The following KYNU variants were observed in gnomAD, a reference collection of about 807,000 sequenced individuals.
KYNU encodes the protein L-kynurenine hydrolase.
A neutral mutation model predicts 59.2 loss-of-function variants in KYNU; 54 were observed. The ratio of observed to expected loss-of-function variants is 0.91; its 90% CI spans 0.73 to 1.14. The LOEUF is 1.14. KYNU is among the 50% of genes most tolerant of loss of function. The pLI is 0.00. For missense variants in KYNU, 567 were observed against 554.4 expected (o/e 1.02, Z -0.23); for synonymous variants, 177 against 192.0 (o/e 0.92, Z 0.65).
intron 10 of KYNU, among the ~76,000 whole-genome samples, chr2:143,000,983 G>A (rs1336514862): frequency 1.3e-5 from 2 of 152,178 alleles, no homozygotes; most frequent in Admixed American, 6.5e-5. Flanking sequence ...ATCCTTCAGT[G>A]TTTCAATCCA....
At chr2:142,996,851 C>A (rs1434647582) in intron 10 of KYNU, among the ~76,000 whole-genome samples, 2 of 152,152 alleles carry the variant, frequency 1.3e-5, no homozygotes, top group Non-Finnish European at 2.9e-5. Context: ...TAAATAGACC[C>A]CAGTGATCTC....
At chr2:142,977,916 G>A (rs1389956614) in intron 8 of KYNU, among the ~76,000 whole-genome samples, 1 of 152,168 alleles carries the variant, frequency 6.6e-6, no homozygotes, top group East Asian at 1.9e-4. Flanking sequence ...TCTGAAAAGA[G>A]GCATTTACAG....
At chr2:142,879,958 G>A (rs1405326001) in intron 1 of KYNU, among the ~76,000 whole-genome samples, 2 of 152,170 alleles carry the variant, frequency 1.3e-5, no homozygotes, top group East Asian at 1.9e-4. Context: ...CCCAAAGAAA[G>A]TCTCAAATAT....
chr2:142,981,349 A>T (rs1178785224), intron 8 of KYNU, among the ~76,000 whole-genome samples: 3 of 152,182 alleles, frequency 2.0e-5, no homozygotes, highest in Non-Finnish European at 4.4e-5. Context: ...GCTTCATAAA[A>T]GTTGCTTTAA....
Position 143,043,751 on chromosome 2 carries a change from ATATATATTTATATTTATATATT to A in KYNU, c.*1595_*1616del, listed in dbSNP as rs1218718104. The A allele has an allele frequency of 4.2e-5, 6 of 142,758 alleles. No individual in the cohort carries two copies. The highest frequency in any genetic ancestry group is 7.1e-5 in the Admixed American group (1 of 14,106). 8.8% of individuals were successfully genotyped at this position (142,758 alleles called of 1,614,324 possible). On this transcript the variant is annotated 3_prime_UTR_variant, in exon 14 of 14. Transcript: ENST00000264170. ...AAATATATATAAATATATATACTTTATATATATTTATATTTATATATTTATATATTTATATTTTAATATATTT... is the reference window on the plus strand; with the variant it reads ...AAATATATATAAATATATATACTTTATATATATTTATATTTTAATATATTT...
At chr2:142,982,243 C>T (rs1485238439) in intron 8 of KYNU, among the ~76,000 whole-genome samples, 1 of 152,052 alleles carries the variant, frequency 6.6e-6, no homozygotes, top group Non-Finnish European at 1.5e-5. Flanking sequence ...ACCAGTCATA[C>T]ACAAACCCAG....
intron 10 of KYNU, among the ~76,000 whole-genome samples, chr2:142,986,383 G>A (rs894287536): frequency 6.6e-6 from 1 of 151,806 alleles, no homozygotes; most frequent in African/African-American, 2.4e-5. Context: ...GGCAACCAGA[G>A]CTGTGCCTAA....
intron 2 of KYNU, among the ~76,000 whole-genome samples, chr2:142,899,518 A>C (rs1681998069): frequency 6.6e-6 from 1 of 152,130 alleles, no homozygotes; most frequent in Non-Finnish European, 1.5e-5. Context: ...GAAAAACCCA[A>C]GTGCTGTTGG....
rs901982325 is a variant in KYNU at position 142,988,829 on chromosome 2, A to G, written c.902+2808A>G. On this transcript the variant is annotated intron_variant, in intron 10 of 13. Coordinates refer to ENST00000264170, the MANE Select transcript of KYNU (RefSeq NM_003937.3). Reference sequence around the variant, plus strand: ...TTCTGTACCAAGTATCTTATATTGTACTTCATTTGCATTAGGAGATCGGAG... The same window carrying G: ...TTCTGTACCAAGTATCTTATATTGTGCTTCATTTGCATTAGGAGATCGGAG... 4 of 1,573,436 alleles carry G rather than the reference A, an allele frequency of 2.5e-6. No homozygotes were observed. In the South Asian group the frequency reaches 3.3e-5, roughly 13 times the overall value.
intron 8 of KYNU, chr2:142,967,351 A>T (rs1161760758): frequency 6.6e-6 from 1 of 152,174 alleles, no homozygotes; most frequent in East Asian, 1.9e-4. Context: ...GTTAAAAAGA[A>T]GACCAAATTC....
chr2:142,985,911 A>T, intron 9 of KYNU, 37 bp from the exon 10 acceptor site: 1 of 1,388,894 alleles, frequency 7.2e-7, no homozygotes, highest in Non-Finnish European at 1.0e-6. Context: ...TCATATATTT[A>T]AGTAAACCCA....
intron 1 of KYNU, among the ~76,000 whole-genome samples, chr2:142,884,545 G>A (rs1573746245): frequency 6.6e-6 from 1 of 152,158 alleles, no homozygotes; most frequent in South Asian, 2.1e-4. Context: ...TATATATTTG[G>A]AAGCCACAAG....
At chr2:142,928,125 A>G (rs1683101644) in intron 4 of KYNU, among the ~76,000 whole-genome samples, 1 of 152,152 alleles carries the variant, frequency 6.6e-6, no homozygotes, top group South Asian at 2.1e-4. Flanking sequence ...CTAAAGGTGT[A>G]AAACACCAAT....
rs77410337 is a variant in KYNU, at chr2:142,928,364, G to C, written c.373+623G>C. Among the ~76,000 whole-genome samples the C allele has an allele frequency of 6.6e-3, 1,007 of 152,176 alleles. 15 individuals are homozygous for C. Among genetic ancestry groups the C allele is most frequent in the African/African-American group, 0.023 (942 of 41,530 alleles). ...TATTCAGCATTGTTTAAAATTTAAG[G>C]TACTGAACAAAAAAATTAATGATAT... On this transcript the variant is annotated intron_variant, in intron 4 of 13. Coordinates refer to ENST00000264170, the MANE Select transcript of KYNU (RefSeq NM_003937.3).
At chr2:143,028,069 C>T (rs1383754769) in intron 10 of KYNU, among the ~76,000 whole-genome samples, 1 of 151,960 alleles carries the variant, frequency 6.6e-6, no homozygotes, top group Admixed American at 6.6e-5. Flanking sequence ...ATTTGGACAT[C>T]ACTAAAACTA....
At chr2:142,953,660 G>A (rs1362387187) in intron 4 of KYNU, among the ~76,000 whole-genome samples, 2 of 152,050 alleles carry the variant, frequency 1.3e-5, no homozygotes, top group East Asian at 1.9e-4. Flanking sequence ...GCCCCTTGAC[G>A]TTAGATATTA....
In KYNU at chr2:142,985,146, C is replaced by T; in HGVS notation, c.792C>T (p.Asp264=). The change falls in exon 9 of 14, where the codon GAC becomes GAT. Residue 264 remains aspartate, a synonymous_variant. Coordinates refer to ENST00000264170, the MANE Select transcript of KYNU (RefSeq NM_003937.3). The part of the protein sequence containing the change: ...AVGNVELYLH[D]WGVDFACWCS... ...GAAATGTTGAACTCTACTTACATGA[C>T]TGGGGAGTTGATTTTGCCTGCTGGT... The T allele has an allele frequency of 6.2e-7, 1 of 1,610,846 alleles. No individual in the cohort carries two copies. The highest frequency in any genetic ancestry group is 1.1e-5 in the South Asian group (1 of 91,026).
At chr2:142,902,695 A>C (rs1028986657) in intron 2 of KYNU, among the ~76,000 whole-genome samples, 4 of 152,214 alleles carry the variant, frequency 2.6e-5, no homozygotes, top group African/African-American at 9.6e-5. Flanking sequence ...GAGGAAGTTT[A>C]AAAGCGCTTG....
At chr2:142,920,276 G>GCT (rs1682833320) in intron 3 of KYNU, among the ~76,000 whole-genome samples, 1 of 152,112 alleles carries the variant, frequency 6.6e-6, no homozygotes, top group African/African-American at 2.4e-5. Flanking sequence ...CACCACATTT[G>GCT]CTCTAGCAAG....
Sources: gnomAD v4.1 joint callset for allele counts (sites outside exome capture counted in the v4.1 genomes callset) on GRCh38, gnomAD v4.1.1 for gene constraint, MANE v1.5 for transcripts, NCBI Gene and HGNC (gene_info 2026-07-23, HGNC 2026-07-21) for gene names.